Variants in DNAH6 observed in about 807,000 individuals in gnomAD.
DNAH6 encodes axonemal beta dynein heavy chain 6.
Under a neutral mutation model 491.4 loss-of-function variants are expected in DNAH6, and 340 were observed. That is an observed-to-expected ratio of 0.69 (90% confidence interval 0.63 to 0.76). DNAH6 has a LOEUF of 0.76. DNAH6 is among the 30% of genes least tolerant of loss of function. DNAH6 has a pLI of 0.00. For synonymous variants in DNAH6, 1,603 were observed against 1,686.1 expected (o/e 0.95, Z 1.21); for missense variants, 4,443 against 4,972.2 (o/e 0.89, Z 3.20).
chr2:84,602,033 C>A (rs758264361), intron 18 of DNAH6, among the ~76,000 whole-genome samples: 5 of 151,944 alleles, frequency 3.3e-5, no homozygotes, highest in Admixed American at 6.6e-5. Flanking sequence ...TCCATACATT[C>A]TTTGTGCTGA....
chr2:84,482,953 GTT>G, the DNAH6 span, among the ~76,000 whole-genome samples: 3 of 144,034 alleles, frequency 2.1e-5, no homozygotes, highest in African/African-American at 7.6e-5. Context: ...TTATGTTACG[GTT>G]TTTTTTTTTT....
At chr2:84,585,536 G>C (rs1486999888) in intron 15 of DNAH6, among the ~76,000 whole-genome samples, 1 of 152,020 alleles carries the variant, frequency 6.6e-6, no homozygotes, top group Non-Finnish European at 1.5e-5. Flanking sequence ...CAGAGAGGAG[G>C]CCCTGGAATG....
intron 44 of DNAH6, among the ~76,000 whole-genome samples, chr2:84,686,801 C>T (rs191827502): frequency 1.3e-5 from 2 of 152,296 alleles, no homozygotes; most frequent in Admixed American, 1.3e-4. Flanking sequence ...TGCTCTACAA[C>T]AGCAGAGTGC....
the DNAH6 span, among the ~76,000 whole-genome samples, chr2:84,499,111 T>C: frequency 6.6e-6 from 1 of 152,318 alleles, no homozygotes; most frequent in African/African-American, 2.4e-5. Flanking sequence ...AGTCACCCTG[T>C]TGTGCTATCA....
intron 68 of DNAH6, among the ~76,000 whole-genome samples, chr2:84,788,751 A>T (rs983904964): frequency 1.3e-5 from 2 of 152,198 alleles, no homozygotes; most frequent in Non-Finnish European, 2.9e-5. Context: ...GCCAGCACCT[A>T]GTCTTGGTCA....
the DNAH6 span, among the ~76,000 whole-genome samples, chr2:84,473,389 G>A: frequency 6.6e-6 from 1 of 152,160 alleles, no homozygotes; most frequent in Non-Finnish European, 1.5e-5. Context: ...GTATTGAGAG[G>A]TAGAAAAAGC....
At chr2:84,477,530 G>A in the DNAH6 span, among the ~76,000 whole-genome samples, 2 of 152,170 alleles carry the variant, frequency 1.3e-5, no homozygotes, top group Non-Finnish European at 2.9e-5. Flanking sequence ...AGTACATGCT[G>A]GGGTAGTGGG....
intron 21 of DNAH6, among the ~76,000 whole-genome samples, chr2:84,608,813 A>C (rs1378257900): frequency 1.3e-5 from 2 of 152,186 alleles, no homozygotes; most frequent in Non-Finnish European, 2.9e-5. Flanking sequence ...CTTTGAAGCC[A>C]GGCATTGGCT....
chr2:84,541,426 A>C (rs1050027310), intron 4 of DNAH6, among the ~76,000 whole-genome samples: 1 of 152,218 alleles, frequency 6.6e-6, no homozygotes, highest in African/African-American at 2.4e-5. Flanking sequence ...CCATTAAAGT[A>C]ACAGGAAACA....
In DNAH6 at chr2:84,705,689, T is replaced by G. The variant is rs1282155003; in HGVS notation, c.8669T>G (p.Leu2890Trp). The change falls in exon 52 of 77, where the codon TTG (leucine) becomes TGG (tryptophan). Residue 2890 changes from leucine to tryptophan, a missense_variant. By Grantham distance (61) the Leu-to-Trp change is moderately conservative. Transcript: ENST00000389394. ...TGCATGTGGGTAAGAGCTATGGATT[T>G]GTACTCTCGAGTGGTCAAGGTCGTC... is the stretch of plus-strand genomic sequence containing the variant. The part of the protein sequence containing the change: ...SMCMWVRAMD[L>W]YSRVVKVVEP... 1.3e-6 allele frequency: 2 copies of G among 1,551,704 alleles called. No homozygotes were observed. Among genetic ancestry groups the G allele is most frequent in the Admixed American group, 3.9e-5 (2 of 50,978 alleles).
chr2:84,705,127 T>A (rs1157787161), intron 51 of DNAH6, among the ~76,000 whole-genome samples: 1 of 152,170 alleles, frequency 6.6e-6, no homozygotes, highest in African/African-American at 2.4e-5. Context: ...AGAAAGCAAT[T>A]GTAGTGTCCT....
rs1676706258 is a variant in DNAH6 at position 84,781,564 on chromosome 2, C to G, written c.10775C>G (p.Ser3592Ter). Residue 3592 changes from serine to a stop codon, truncating the protein, a stop_gained, in exon 65 of 77, where the codon TCA (serine) becomes TGA (stop). Coordinates refer to ENST00000389394, the MANE Select transcript of DNAH6 (RefSeq NM_001370.2). LOFTEE classifies it high-confidence loss of function. ...AEKMVKDAMK[S>*]GNWVFLQNCH... is the part of the protein sequence containing the mutation. Reference sequence around the variant, plus strand: ...AAAATGGTCAAGGATGCAATGAAATCAGGAAACTGGGTATTTTTGCAAAAT... The same window carrying G: ...AAAATGGTCAAGGATGCAATGAAATGAGGAAACTGGGTATTTTTGCAAAAT... 1 of 1,551,514 alleles carries G rather than the reference C, an allele frequency of 6.4e-7. No individual in the cohort carries two copies. The highest frequency in any genetic ancestry group is 1.4e-5 in the African/African-American group (1 of 73,050).
chr2:84,590,498 CAAAAAAAA>C (rs35787415), intron 16 of DNAH6, among the ~76,000 whole-genome samples: 2 of 97,942 alleles, frequency 2.0e-5, no homozygotes, highest in East Asian at 6.4e-4. Context: ...GGCTCCATTT[CAAAAAAAA>C]AAAAAAAAAA....
chr2:84,815,863 G>A lies in DNAH6; in HGVS notation c.12153G>A (p.Leu4051=), dbSNP rs1680435153. ...TGAGACTTGTGGGTATCTTTCAGTT[G>A]CCCTCTCCTGAGGATGGTGTTCTTG... is the stretch of plus-strand genomic sequence containing the variant. ...FGQELPMDME[L]PSPEDGVLVH... Residue 4051 remains leucine (L), a splice_region_variant and synonymous_variant, in exon 76 of 77, where the codon TTG becomes TTA. Transcript: ENST00000389394. The A allele has an allele frequency of 6.5e-7, 1 of 1,548,474 alleles. No homozygotes were observed. Among genetic ancestry groups the A allele is most frequent in the African/African-American group, 1.4e-5 (1 of 72,996 alleles).
At chr2:84,715,521 C>T in intron 57 of DNAH6, 39 bp from the exon 58 acceptor site, 3 of 1,536,084 alleles carry the variant, frequency 2.0e-6, no homozygotes, top group Non-Finnish European at 1.8e-6. Flanking sequence ...TATTAGTTTG[C>T]ACTTAAGCAT....
chr2:84,688,959 T>C (rs1442506029), intron 45 of DNAH6, among the ~76,000 whole-genome samples: 8 of 152,188 alleles, frequency 5.3e-5, no homozygotes, highest in Non-Finnish European at 1.0e-4. Flanking sequence ...GCAAAACAAG[T>C]TCAATCCAGG....
intron 70 of DNAH6, among the ~76,000 whole-genome samples, chr2:84,803,368 A>T (rs1027970002): frequency 5.3e-5 from 8 of 152,220 alleles, no homozygotes; most frequent in Admixed American, 2.0e-4. Context: ...TATTTGGGTG[A>T]TGAAGTTCAA....
intron 29 of DNAH6, among the ~76,000 whole-genome samples, chr2:84,631,020 T>A (rs574421645): frequency 6.6e-6 from 1 of 152,308 alleles, no homozygotes; most frequent in African/African-American, 2.4e-5. Flanking sequence ...AAAACTTATT[T>A]CTAATGGTCA....
At chr2:84,571,800 T>C (rs1168605317) in intron 11 of DNAH6, among the ~76,000 whole-genome samples, 2 of 150,008 alleles carry the variant, frequency 1.3e-5, no homozygotes, top group Admixed American at 6.6e-5. Flanking sequence ...GCGCCTGTAA[T>C]CCCAGCTACC....
Sources: allele counts gnomAD v4.1 joint callset (sites outside exome capture counted in the v4.1 genomes callset), GRCh38; gene constraint gnomAD v4.1.1; transcripts MANE v1.5; gene names NCBI Gene and HGNC (gene_info 2026-07-23, HGNC 2026-07-21).